GALNTL6: variants seen among roughly 807,000 people sequenced by gnomAD.
GALNTL6 encodes polypeptide N-acetylgalactosaminyltransferase-like 6.
GALNTL6 carries 46 observed loss-of-function variants against 73.7 expected under a neutral mutation model. The observed-to-expected ratio is 0.62, with a 90% confidence interval of 0.49 to 0.80. The LOEUF (loss-of-function observed/expected upper bound fraction) is 0.80, where lower values mean the gene tolerates loss of function less well. Ranked by LOEUF, GALNTL6 falls within the 30% of genes least tolerant of loss-of-function variation. GALNTL6 has a pLI of 0.00. For missense variants in GALNTL6, 604 were observed against 755.0 expected (o/e 0.80, Z 2.34); for synonymous variants, 259 against 263.7 (o/e 0.98, Z 0.17).
intron 12 of GALNTL6, among the ~76,000 whole-genome samples, chr4:173,037,128 C>T (rs561052719): frequency 5.9e-5 from 9 of 152,328 alleles, no homozygotes; most frequent in Admixed American, 1.3e-4. Context: ...GCTTCACCTC[C>T]GGGACTTGCT....
intron 4 of GALNTL6, among the ~76,000 whole-genome samples, chr4:172,347,642 A>G (rs576241022): frequency 6.6e-6 from 1 of 152,256 alleles, no homozygotes; most frequent in South Asian, 2.1e-4. Flanking sequence ...TTACTGACAA[A>G]TCTTTGTCAT....
At chr4:172,886,969 C>T (rs1022635045) in intron 8 of GALNTL6, among the ~76,000 whole-genome samples, 1 of 152,106 alleles carries the variant, frequency 6.6e-6, no homozygotes, top group Non-Finnish European at 1.5e-5. Flanking sequence ...AGTTCTTTAG[C>T]CATTGACCCC....
chr4:172,943,400 G>A (rs1476670755), intron 9 of GALNTL6, among the ~76,000 whole-genome samples: 5 of 152,126 alleles, frequency 3.3e-5, no homozygotes, highest in Non-Finnish European at 5.9e-5. Flanking sequence ...AATCTGATCC[G>A]GATTGTACAG....
chr4:172,249,749 C>T lies in GALNTL6; in HGVS notation c.247+19985C>T, dbSNP rs116835935. Among the ~76,000 whole-genome samples, 969 of 152,304 alleles carry T rather than the reference C, an allele frequency of 6.4e-3. 16 individuals are homozygous for T. Among genetic ancestry groups the T allele is most frequent in the African/African-American group, 0.022 (921 of 41,562 alleles). ...CCCCAAGCCTTGCCAGCTTCCAGGT[C>T]GTGTAGGTCCTGTGGATTCTCAGAA... On this transcript the variant is annotated intron_variant, in intron 3 of 12. Coordinates refer to ENST00000506823, the MANE Select transcript of GALNTL6 (RefSeq NM_001034845.3).
intron 2 of GALNTL6, among the ~76,000 whole-genome samples, chr4:172,034,162 T>C (rs1211035828): frequency 6.6e-6 from 1 of 152,102 alleles, no homozygotes; most frequent in Non-Finnish European, 1.5e-5. Flanking sequence ...TGTAATGTAA[T>C]AAGTTAATAC....
At chr4:173,009,326 G>C in intron 11 of GALNTL6, 32 bp downstream of exon 11, 1 of 1,305,068 alleles carries the variant, frequency 7.7e-7, no homozygotes, top group Non-Finnish European at 1.1e-6. Flanking sequence ...AGGGCAGTGG[G>C]AACCAGTCGG....
chr4:172,613,980 C>A (rs1738623691), intron 5 of GALNTL6, among the ~76,000 whole-genome samples: 1 of 152,110 alleles, frequency 6.6e-6, no homozygotes, highest in South Asian at 2.1e-4. Flanking sequence ...TAGATTTGAA[C>A]TAAAAATGAA....
At chr4:172,465,521 T>C (rs1305800248) in intron 5 of GALNTL6, among the ~76,000 whole-genome samples, 2 of 151,586 alleles carry the variant, frequency 1.3e-5, no homozygotes, top group Admixed American at 6.6e-5. Flanking sequence ...TAGTACTTGG[T>C]ATTTCATTAA....
chr4:172,125,815 TCTACTAA>T (rs1733278759), intron 2 of GALNTL6, among the ~76,000 whole-genome samples: 1 of 152,112 alleles, frequency 6.6e-6, no homozygotes, highest in Non-Finnish European at 1.5e-5. Context: ...ATGTCTTTGT[TCTACTAA>T]CTGGTTCCTC....
intron 5 of GALNTL6, among the ~76,000 whole-genome samples, chr4:172,530,010 G>A (rs1240204835): frequency 6.6e-6 from 1 of 151,696 alleles, no homozygotes; most frequent in Non-Finnish European, 1.5e-5. Context: ...CCAAAGTGCT[G>A]GGATTACAGG....
chr4:172,486,232 G>T (rs1207693843), intron 5 of GALNTL6, among the ~76,000 whole-genome samples: 1 of 152,174 alleles, frequency 6.6e-6, no homozygotes, highest in Non-Finnish European at 1.5e-5. Flanking sequence ...GAATCATTTT[G>T]TCACATTTCT....
Position 172,844,534 on chromosome 4 carries a change from G to A in GALNTL6, c.923+30811G>A, listed in dbSNP as rs150700318. ...TAGTGGCATGGCAAATTCTCAGAGG[G>A]TTTCAAGTTAAAATTAATTTTTCTT... On this transcript the variant is annotated intron_variant, in intron 7 of 12. Coordinates refer to ENST00000506823, the MANE Select transcript of GALNTL6 (RefSeq NM_001034845.3). 6.0e-4 allele frequency among the ~76,000 whole-genome samples: 91 copies of A among 152,290 alleles called. 1 individual carries two copies. In the East Asian group the frequency reaches 0.017, roughly 29 times the overall value.
At chr4:172,698,364 C>G (rs1733814634) in intron 5 of GALNTL6, among the ~76,000 whole-genome samples, 1 of 152,118 alleles carries the variant, frequency 6.6e-6, no homozygotes, top group Non-Finnish European at 1.5e-5. Flanking sequence ...AGTATTCCAA[C>G]TAGTTTTGGC....
Position 173,021,588 on chromosome 4 carries a change from A to G in GALNTL6, c.1601A>G (p.His534Arg). 10 of 1,614,202 alleles carry G rather than the reference A, an allele frequency of 6.2e-6. No individual in the cohort carries two copies. The highest frequency in any genetic ancestry group is 8.5e-6 in the Non-Finnish European group (10 of 1,180,012). ...HNSPVTLYDC[H>R]GMKGNQLWGY... ...AGCCCCGTTACACTCTATGACTGTC[A>G]TGGCATGAAGGGGAACCAGCTCTGG... Residue 534 changes from histidine (H) to arginine (R), a missense_variant, in exon 12 of 13, where the codon CAT (histidine) becomes CGT (arginine). His to Arg is a conservative substitution (Grantham distance 29). Around this residue, in one of 5 missense-constraint regions of GALNTL6, gnomAD observed 261 missense variants for 296.5 expected, o/e 0.88. Coordinates refer to ENST00000506823, the MANE Select transcript of GALNTL6 (RefSeq NM_001034845.3).
At chr4:171,953,620 T>G (rs922494423) in intron 2 of GALNTL6, among the ~76,000 whole-genome samples, 9 of 152,138 alleles carry the variant, frequency 5.9e-5, no homozygotes, top group African/African-American at 2.2e-4. Context: ...AGAAATTCAC[T>G]TTAGTTTTGG....
intron 5 of GALNTL6, among the ~76,000 whole-genome samples, chr4:172,803,503 G>T (rs1447886029): frequency 6.6e-6 from 1 of 152,158 alleles, no homozygotes; most frequent in Admixed American, 6.5e-5. Context: ...GTGCCAAAAA[G>T]TTTGGGGACC....
chr4:172,975,511 G>A (rs1040000115), intron 10 of GALNTL6, among the ~76,000 whole-genome samples: 1 of 152,186 alleles, frequency 6.6e-6, no homozygotes, highest in Non-Finnish European at 1.5e-5. Context: ...GGCACCATAA[G>A]TTCTCATTCT....
chr4:172,413,376 A>G (rs1449218142), intron 5 of GALNTL6, among the ~76,000 whole-genome samples: 2 of 152,216 alleles, frequency 1.3e-5, no homozygotes, highest in Admixed American at 6.5e-5. Flanking sequence ...ACATTGCCCT[A>G]GAGGCAATTC....
rs528222428 is a variant in GALNTL6 at position 171,904,205 on chromosome 4, G to A, written c.138+89487G>A. Among the ~76,000 whole-genome samples, 10 of 152,282 alleles carry A rather than the reference G, an allele frequency of 6.6e-5. No homozygotes were observed. In the South Asian group the frequency reaches 1.7e-3, roughly 25 times the overall value. On this transcript the variant is annotated intron_variant, in intron 2 of 12. Transcript: ENST00000506823. Reference sequence around the variant, plus strand: ...ACGATCAAATTACTCCAAGCTACAGGAGGACATTCAAACCAAAGGCAAAGA... The same window carrying A: ...ACGATCAAATTACTCCAAGCTACAGAAGGACATTCAAACCAAAGGCAAAGA...
Sources: gnomAD v4.1 joint callset for allele counts (sites outside exome capture counted in the v4.1 genomes callset) on GRCh38, gnomAD v4.1.1 for gene constraint, gnomAD v4.1.1 regional missense constraint, MANE v1.5 for transcripts, NCBI Gene and HGNC (gene_info 2026-07-23, HGNC 2026-07-21) for gene names.